Variants in HERPUD2 observed in about 807,000 individuals in gnomAD.
HERPUD2 encodes homocysteine-responsive endoplasmic reticulum-resident ubiquitin-like domain member 2 protein.
HERPUD2 carries 13 observed loss-of-function variants against 49.9 expected under a neutral mutation model. The ratio of observed to expected loss-of-function variants is 0.26; its 90% CI spans 0.17 to 0.41. The LOEUF (loss-of-function observed/expected upper bound fraction) is 0.41, where lower values mean the gene tolerates loss of function less well. Ranked by LOEUF, HERPUD2 falls within the 10% of genes least tolerant of loss-of-function variation. The pLI is 1.00. For synonymous variants in HERPUD2, 172 were observed against 171.4 expected (o/e 1.00, Z -0.03); for missense variants, 449 against 492.2 (o/e 0.91, Z 0.83).
At chr7:35,690,024 G>T (rs1012738748) in intron 2 of HERPUD2, among the ~76,000 whole-genome samples, 1 of 152,026 alleles carries the variant, frequency 6.6e-6, no homozygotes, top group African/African-American at 2.4e-5. Context: ...CAACCGTTTT[G>T]GTATTTACAT....
chr7:35,679,943 A>C (rs980772753), intron 2 of HERPUD2, among the ~76,000 whole-genome samples: 3 of 152,052 alleles, frequency 2.0e-5, no homozygotes, highest in African/African-American at 7.2e-5. Flanking sequence ...ACCATTGTCA[A>C]ATCCTATAGA....
chr7:35,662,085 G>C (rs533518579), intron 5 of HERPUD2, among the ~76,000 whole-genome samples: 1 of 152,192 alleles, frequency 6.6e-6, no homozygotes, highest in Non-Finnish European at 1.5e-5. Flanking sequence ...TTAGCATGAA[G>C]AGCTGTTGAA....
intron 2 of HERPUD2, among the ~76,000 whole-genome samples, chr7:35,685,508 TAG>T (rs1433561140): frequency 6.6e-6 from 1 of 151,520 alleles, no homozygotes; most frequent in Non-Finnish European, 1.5e-5. Flanking sequence ...GTATTTTTAG[TAG>T]AGACAGGGTT....
At chr7:35,683,058 G>A (rs919104277) in intron 2 of HERPUD2, among the ~76,000 whole-genome samples, 4 of 152,004 alleles carry the variant, frequency 2.6e-5, no homozygotes, top group African/African-American at 9.7e-5. Flanking sequence ...CTTCACAGAT[G>A]TAGAAAAAAA....
intron 2 of HERPUD2, among the ~76,000 whole-genome samples, chr7:35,677,088 C>T (rs776720537): frequency 3.5e-4 from 54 of 152,120 alleles, no homozygotes; most frequent in Non-Finnish European, 6.3e-4. Flanking sequence ...AAACTATAAA[C>T]AAGGTGCATT....
chr7:35,676,852 A>G (rs75812017), intron 2 of HERPUD2, among the ~76,000 whole-genome samples: 2,140 of 152,310 alleles, frequency 0.014, 43 homozygotes, highest in African/African-American at 0.049. Flanking sequence ...CAAATTAACA[A>G]TAACAAGATT....
intron 5 of HERPUD2, among the ~76,000 whole-genome samples, chr7:35,664,330 CTTCAT>C: frequency 6.6e-6 from 1 of 152,094 alleles, no homozygotes; most frequent in African/African-American, 2.4e-5. Context: ...ACATTTTTTT[CTTCAT>C]TTCAACTTTG....
At chr7:35,685,208 A>C (rs1464935628) in intron 2 of HERPUD2, among the ~76,000 whole-genome samples, 2 of 151,490 alleles carry the variant, frequency 1.3e-5, no homozygotes, top group African/African-American at 4.8e-5. Context: ...CTGTCCTCCA[A>C]CCTGGCAACA....
chr7:35,659,541 T>C (rs1583552047), intron 5 of HERPUD2, among the ~76,000 whole-genome samples: 1 of 152,322 alleles, frequency 6.6e-6, no homozygotes, highest in Non-Finnish European at 1.5e-5. Flanking sequence ...ACACTAACTC[T>C]TTTAAACCAC....
intron 2 of HERPUD2, among the ~76,000 whole-genome samples, chr7:35,684,558 C>T (rs1282703270): frequency 6.6e-6 from 1 of 152,100 alleles, no homozygotes; most frequent in East Asian, 1.9e-4. Context: ...CGGACTACTA[C>T]TCAGCCCTAA....
At chr7:35,683,720 G>GA (rs911744721) in intron 2 of HERPUD2, among the ~76,000 whole-genome samples, 9 of 150,740 alleles carry the variant, frequency 6.0e-5, no homozygotes, top group Admixed American at 2.6e-4. Flanking sequence ...AAATCAACAA[G>GA]AAAAAAAAAT....
chr7:35,667,633 C>T (rs1785565226), intron 4 of HERPUD2, 45 bp from the exon 5 acceptor site: 12 of 1,477,182 alleles, frequency 8.1e-6, no homozygotes, highest in Middle Eastern at 1.9e-4. Context: ...TAGTTCTTTA[C>T]AATCATAAAA....
chr7:35,658,449 C>T (rs1785331188), intron 5 of HERPUD2, among the ~76,000 whole-genome samples: 1 of 152,130 alleles, frequency 6.6e-6, no homozygotes, highest in African/African-American at 2.4e-5. Context: ...AAAACAGCTA[C>T]AAGGGCAGAC....
At chr7:35,654,222 G>A (rs1183278104) in intron 5 of HERPUD2, among the ~76,000 whole-genome samples, 1 of 150,286 alleles carries the variant, frequency 6.7e-6, no homozygotes, top group Non-Finnish European at 1.5e-5. Flanking sequence ...ATAAAGATCA[G>A]GATAGACTGA....
At chr7:35,685,123 C>G (rs1786008910) in intron 2 of HERPUD2, among the ~76,000 whole-genome samples, 1 of 151,734 alleles carries the variant, frequency 6.6e-6, no homozygotes, top group Admixed American at 6.6e-5. Context: ...TGCCTGTAGT[C>G]CCAGCTACTT....
intron 5 of HERPUD2, among the ~76,000 whole-genome samples, chr7:35,657,766 A>T (rs1373497348): frequency 6.6e-6 from 1 of 151,534 alleles, no homozygotes; most frequent in Non-Finnish European, 1.5e-5. Context: ...AAAAAAAAAA[A>T]AAATTAGCCA....
chr7:35,680,459 A>T (rs1323642721), intron 2 of HERPUD2, among the ~76,000 whole-genome samples: 1 of 152,108 alleles, frequency 6.6e-6, no homozygotes, highest in Admixed American at 6.5e-5. Context: ...AACTTAGATC[A>T]ATCCTGTCAC....
intron 2 of HERPUD2, among the ~76,000 whole-genome samples, chr7:35,675,123 T>C (rs1785732577): frequency 6.6e-6 from 1 of 152,128 alleles, no homozygotes; most frequent in African/African-American, 2.4e-5. Flanking sequence ...ACCTGTGGAA[T>C]CTATCCCCAG....
At chr7:35,649,044 G>A (rs960910304) in intron 5 of HERPUD2, among the ~76,000 whole-genome samples, 1 of 152,168 alleles carries the variant, frequency 6.6e-6, no homozygotes, top group Non-Finnish European at 1.5e-5. Context: ...AAGGTCAGGA[G>A]ATCAAGACCA....
Sources: gnomAD v4.1 joint callset for allele counts (sites outside exome capture counted in the v4.1 genomes callset) on GRCh38, gnomAD v4.1.1 for gene constraint, MANE v1.5 for transcripts, NCBI Gene and HGNC (gene_info 2026-07-23, HGNC 2026-07-21) for gene names.